Variants in MRE11 observed in about 807,000 individuals in gnomAD.
MRE11 encodes MRE11 double strand break repair nuclease.
In MRE11, 62 loss-of-function variants were observed where a neutral mutation model predicts 91.7. The ratio of observed to expected loss-of-function variants is 0.68; its 90% CI spans 0.55 to 0.84. MRE11 has a LOEUF of 0.84. Ranked by LOEUF, MRE11 falls within the 40% of genes least tolerant of loss-of-function variation. MRE11 has a pLI of 0.00. For synonymous variants in MRE11, 273 were observed against 271.4 expected, an observed-to-expected ratio of 1.01 and a Z score of -0.06; for missense variants, 796 against 852.9, an observed-to-expected ratio of 0.93 and a Z score of 0.83.
intron 5 of MRE11, 133 bp downstream of exon 5, chr11:94,479,541 G>T: frequency 1.4e-6 from 1 of 736,438 alleles, no homozygotes; most frequent in Non-Finnish European, 2.3e-6. Flanking sequence ...AAGCTTGTAT[G>T]AATGTGAAAA....
At position 94,421,440 on chromosome 11, in the gene MRE11, A is replaced by T. The variant is rs150707479; in HGVS notation, c.2071-1259T>A. Among the ~76,000 whole-genome samples the T allele has an allele frequency of 2.6e-4, 40 of 152,384 alleles. 1 individual carries two copies. Among genetic ancestry groups the T allele is most frequent in the Admixed American group, 2.4e-3 (36 of 15,304 alleles). ...CAAAGACAAAACTTAAATAAACCAG[A>T]GACAAATCCAAATGAAGTCTAATAG... On this transcript the variant is annotated intron_variant, in intron 19 of 19. Transcript: ENST00000323929.
intron 18 of MRE11, among the ~76,000 whole-genome samples, chr11:94,433,784 C>T (rs1033182958): frequency 2.0e-5 from 3 of 152,192 alleles, no homozygotes; most frequent in African/African-American, 7.2e-5. Flanking sequence ...ATTGCCCAGT[C>T]TCGGGTATGT....
chr11:94,503,826 CAAAAAAAAAAA>C, the MRE11 span, among the ~76,000 whole-genome samples: 555 of 87,266 alleles, frequency 6.4e-3, 5 homozygotes, highest in African/African-American at 0.023. Context: ...GACTCCGTCT[CAAAAAAAAAAA>C]AAAAAAAAAA....
chr11:94,432,823 A>G (rs1000481557), intron 18 of MRE11, among the ~76,000 whole-genome samples: 1 of 152,172 alleles, frequency 6.6e-6, no homozygotes, highest in Non-Finnish European at 1.5e-5. Context: ...AAAACAAAAC[A>G]AAACGAAACA....
rs1217709467 is a variant in MRE11, at chr11:94,416,042, C to T, written c.*4083G>A. On this transcript the variant is annotated 3_prime_UTR_variant, in exon 20 of 20. Coordinates refer to ENST00000323929, the MANE Select transcript of MRE11 (RefSeq NM_005591.4). The stretch of plus-strand genomic sequence containing the variant: ...GCCCTGCTGGTCTCGAACTCCTGAC[C>T]TCAGGTGATCCGCCTGCTTTGGCCT... The T allele has an allele frequency of 2.0e-5, 3 of 152,262 alleles. No homozygotes were observed. The highest frequency in any genetic ancestry group is 4.8e-5 in the African/African-American group (2 of 41,450). 9.4% of individuals were successfully genotyped at this position (152,262 alleles called of 1,614,324 possible).
chr11:94,472,880 T>C (rs945517167), intron 7 of MRE11: 2 of 152,108 alleles, frequency 1.3e-5, no homozygotes, highest in Non-Finnish European at 2.9e-5. Flanking sequence ...CAATCTCTAA[T>C]ACAAGATGTA....
chr11:94,489,784 T>C (rs1338332212), intron 3 of MRE11, among the ~76,000 whole-genome samples: 1 of 152,190 alleles, frequency 6.6e-6, no homozygotes, highest in African/African-American at 2.4e-5. Context: ...TGCTGAAATT[T>C]TTCCCTGAAT....
At chr11:94,455,324 A>G (rs1293620572) in intron 14 of MRE11, among the ~76,000 whole-genome samples, 2 of 152,166 alleles carry the variant, frequency 1.3e-5, no homozygotes, top group Non-Finnish European at 2.9e-5. Flanking sequence ...TCTCTTATCT[A>G]CTAAATTGAG....
chr11:94,467,855 C>G lies in MRE11; in HGVS notation c.1056G>C (p.Leu352=), dbSNP rs1223095392. Residue 352 remains leucine, a synonymous_variant, in exon 10 of 20, where the codon CTG becomes CTC. Transcript: ENST00000323929. ...EMLENAERER[L]GNSHQPEKPL... The stretch of plus-strand genomic sequence containing the variant: ...GCTTCTCTGGCTGGTGAGAATTACC[C>G]AGACGTTCCCGTTCAGCATTTTCAA... The G allele has an allele frequency of 3.1e-6, 5 of 1,613,608 alleles. No homozygotes were observed. In the African/African-American group the frequency reaches 6.7e-5, roughly 22 times the overall value.
intron 7 of MRE11, 152 bp from the exon 8 acceptor site, chr11:94,471,911 T>A: frequency 1.5e-6 from 1 of 673,656 alleles, no homozygotes; most frequent in Non-Finnish European, 2.5e-6. Flanking sequence ...AATGTAAAGA[T>A]CATCAATGCT....
intron 18 of MRE11, 126 bp from the exon 19 acceptor site, chr11:94,430,112 C>A: frequency 1.1e-6 from 1 of 921,572 alleles, no homozygotes; most frequent in Non-Finnish European, 1.7e-6. Context: ...CCCTTAAAAT[C>A]TACATTAGCG....
intron 16 of MRE11, among the ~76,000 whole-genome samples, chr11:94,442,193 T>C (rs1190361307): frequency 6.6e-6 from 1 of 152,098 alleles, no homozygotes; most frequent in Non-Finnish European, 1.5e-5. Flanking sequence ...AGATAGCAGT[T>C]CAGAGATTCA....
Position 94,479,659 on chromosome 11 carries a change from G to A in MRE11, c.402+15C>T, listed in dbSNP as rs1211268789. On this transcript the variant is annotated intron_variant, in intron 5 of 19. Transcript: ENST00000323929. Reference sequence around the variant, plus strand: ...TTTCCAAAATTCCAACAAACTCTAAGAAAACAATAATTACCCCTGTGGGAT... The same window carrying A: ...TTTCCAAAATTCCAACAAACTCTAAAAAAACAATAATTACCCCTGTGGGAT... 4 of 1,605,316 alleles carry A rather than the reference G, an allele frequency of 2.5e-6. No individual in the cohort carries two copies. The African/African-American group carries it at 5.4e-5, about 22-fold the overall frequency.
chr11:94,503,711 A>C, the MRE11 span, among the ~76,000 whole-genome samples: 2 of 151,682 alleles, frequency 1.3e-5, no homozygotes, highest in African/African-American at 4.8e-5. Context: ...AAAAAAAAGA[A>C]AGAAAACGTT....
chr11:94,469,446 G>T (rs967762511), intron 9 of MRE11, among the ~76,000 whole-genome samples: 1 of 152,150 alleles, frequency 6.6e-6, no homozygotes, highest in Non-Finnish European at 1.5e-5. Flanking sequence ...TGACTCCAGG[G>T]AAGGGCACAT....
intron 14 of MRE11, among the ~76,000 whole-genome samples, chr11:94,450,697 T>A (rs778012120): frequency 6.6e-6 from 1 of 151,970 alleles, no homozygotes; most frequent in Non-Finnish European, 1.5e-5. Flanking sequence ...TCACAACATA[T>A]GAGAGAGCTA....
intron 6 of MRE11, 56 bp downstream of exon 6, chr11:94,478,679 C>T (rs1003191482): frequency 6.3e-7 from 1 of 1,597,564 alleles, no homozygotes; most frequent in Non-Finnish European, 8.6e-7. Context: ...CTCCAAATTT[C>T]TCAATTGTTT....
chr11:94,478,381 G>A (rs1040985465), intron 6 of MRE11, among the ~76,000 whole-genome samples: 1 of 152,000 alleles, frequency 6.6e-6, no homozygotes, highest in East Asian at 1.9e-4. Context: ...TTTTCTACTT[G>A]CCAGAGGTAT....
intron 12 of MRE11, among the ~76,000 whole-genome samples, chr11:94,460,534 T>G (rs564325240): frequency 6.6e-6 from 1 of 152,224 alleles, no homozygotes; most frequent in Admixed American, 6.5e-5. Context: ...AATAATGGTA[T>G]TCACAATTAA....
Sources: gnomAD v4.1 joint callset for allele counts (sites outside exome capture counted in the v4.1 genomes callset) on GRCh38, gnomAD v4.1.1 for gene constraint, MANE v1.5 for transcripts, NCBI Gene and HGNC (gene_info 2026-07-23, HGNC 2026-07-21) for gene names.